PRKACB: variants seen among roughly 807,000 people sequenced by gnomAD.
The protein encoded by PRKACB is cAMP-dependent protein kinase catalytic subunit beta.
In PRKACB, 16 loss-of-function variants were observed where a neutral mutation model predicts 51.4. The ratio of observed to expected loss-of-function variants is 0.31; its 90% CI spans 0.21 to 0.47. The LOEUF is 0.47. Among genes scored for constraint, PRKACB ranks in the 20% least tolerant of loss-of-function variants. The pLI is 1.00. For synonymous variants in PRKACB, 147 were observed against 154.4 expected, an observed-to-expected ratio of 0.95 and a Z score of 0.35; for missense variants, 309 against 464.5, an observed-to-expected ratio of 0.67 and a Z score of 3.08.
rs1676748598 is a variant in PRKACB at position 84,237,358 on chromosome 1, A to C, written c.*2053A>C. 1 of 152,618 alleles carries C rather than the reference A, an allele frequency of 6.6e-6. No homozygotes were observed. The highest frequency in any genetic ancestry group is 2.1e-4 in the South Asian group (1 of 4,832). The allele number at this position is 152,618 out of a possible 1,614,324, so 9.5% of individuals were successfully genotyped here. A position where few individuals can be genotyped will look rare whatever the true frequency, so the allele number is the denominator to read the frequency against. ...ATATTATTGTAAAATTATTTTAATA[A>C]GTCATGGGGATGACAATTTGATTAT... is the stretch of plus-strand genomic sequence containing the variant. On this transcript the variant is annotated 3_prime_UTR_variant, in exon 10 of 10. Transcript: ENST00000370685.
chr1:84,230,527 T>G (rs534448845), intron 9 of PRKACB, among the ~76,000 whole-genome samples: 4 of 152,320 alleles, frequency 2.6e-5, no homozygotes, highest in African/African-American at 9.6e-5. Context: ...TTGGGCAGTA[T>G]GGCCATTTTC....
chr1:84,180,837 T>C (rs964557804), intron 2 of PRKACB, among the ~76,000 whole-genome samples: 2 of 151,906 alleles, frequency 1.3e-5, no homozygotes, highest in African/African-American at 2.4e-5. Flanking sequence ...ATTTTTATAA[T>C]ACAAAGAAAA....
At chr1:84,164,603 C>T (rs1656798036) in intron 1 of PRKACB, 7 of 1,361,480 alleles carry the variant, frequency 5.1e-6, no homozygotes, top group African/African-American at 1.5e-5. Flanking sequence ...ACAAGTGAAC[C>T]GATAATTCTG....
intron 1 of PRKACB, among the ~76,000 whole-genome samples, chr1:84,166,727 A>G (rs1287451276): frequency 6.6e-6 from 1 of 151,716 alleles, no homozygotes; most frequent in African/African-American, 2.4e-5. Context: ...TAAGTCTGTA[A>G]CTACACATGT....
In PRKACB at chr1:84,123,034, A is replaced by G. The variant is rs567225520; in HGVS notation, c.46+44663A>G. 7.9e-5 allele frequency among the ~76,000 whole-genome samples: 12 copies of G among 152,334 alleles called. No individual in the cohort carries two copies. In the South Asian group the frequency reaches 2.3e-3, roughly 29 times the overall value. ...CTTATAATATTGTGAGGTAAGTGTC[A>G]TCTAACCGTTCTGCCATGGTTGGCA... On this transcript the variant is annotated intron_variant, in intron 1 of 8. Transcript: ENST00000370688.
chr1:84,171,147 C>G (rs1659342429), intron 1 of PRKACB, among the ~76,000 whole-genome samples: 1 of 151,484 alleles, frequency 6.6e-6, no homozygotes, highest in Non-Finnish European at 1.5e-5. Context: ...TAAGGTGTAA[C>G]TATGTATCAG....
At chr1:84,224,429 A>C (rs1250014861) in intron 9 of PRKACB, among the ~76,000 whole-genome samples, 1 of 152,222 alleles carries the variant, frequency 6.6e-6, no homozygotes, top group East Asian at 1.9e-4. Context: ...GCTCCCAGGC[A>C]GTACACACTG....
At position 84,096,932 on chromosome 1, in the gene PRKACB, A is replaced by G. The variant is rs28699348; in HGVS notation, c.46+18561A>G. On this transcript the variant is annotated intron_variant, in intron 1 of 8. Transcript: ENST00000370688. ...CATGCTTCCCTCAGATGTAACCACT[A>G]TTCTTATTTCTGTCACCATATATTA... 3.8e-3 allele frequency among the ~76,000 whole-genome samples: 573 copies of G among 152,118 alleles called. 3 individuals carry two copies. The highest frequency in any genetic ancestry group is 0.013 in the African/African-American group (539 of 41,550).
intron 1 of PRKACB, among the ~76,000 whole-genome samples, chr1:84,168,654 T>C (rs1218421515): frequency 1.3e-5 from 2 of 151,624 alleles, no homozygotes; most frequent in Non-Finnish European, 3.0e-5. Context: ...TACAGGATTT[T>C]GATGATCAGA....
At chr1:84,180,206 A>ATGTATG (rs1553173785) in intron 2 of PRKACB, among the ~76,000 whole-genome samples, 1 of 127,148 alleles carries the variant, frequency 7.9e-6, no homozygotes, top group African/African-American at 2.8e-5. Flanking sequence ...ATATATATAT[A>ATGTATG]TATGTATGAT....
chr1:84,108,860 G>T (rs1249485405), intron 1 of PRKACB, among the ~76,000 whole-genome samples: 1 of 151,964 alleles, frequency 6.6e-6, no homozygotes, highest in East Asian at 1.9e-4. Flanking sequence ...TTGTCGTACA[G>T]TCAGTATGTT....
chr1:84,194,032 A>G (rs1667526144), intron 5 of PRKACB, among the ~76,000 whole-genome samples: 1 of 152,124 alleles, frequency 6.6e-6, no homozygotes, highest in Non-Finnish European at 1.5e-5. Flanking sequence ...GGCAACTAAT[A>G]TAATTAATAT....
intron 2 of PRKACB, among the ~76,000 whole-genome samples, chr1:84,181,487 A>G (rs1482241330): frequency 1.3e-5 from 2 of 152,068 alleles, no homozygotes; most frequent in Non-Finnish European, 2.9e-5. Context: ...AGCCAAACAA[A>G]GATGTTTCCT....
chr1:84,202,880 G>A, intron 8 of PRKACB, 75 bp downstream of exon 8: 1 of 1,263,978 alleles, frequency 7.9e-7, no homozygotes, highest in Non-Finnish European at 1.1e-6. Context: ...AAACTATATT[G>A]TGTCATAATT....
chr1:84,100,239 T>A (rs980993521), intron 1 of PRKACB, among the ~76,000 whole-genome samples: 6 of 152,102 alleles, frequency 3.9e-5, no homozygotes, highest in African/African-American at 1.4e-4. Flanking sequence ...GTCACTGTTA[T>A]GAGAACAGCA....
chr1:84,184,103 C>T lies in PRKACB; in HGVS notation c.445C>T (p.Pro149Ser). ...AAGAATATTACAGGCAGTGAATTTTCCTTTCCTTGTTCGACTGGAGTATGC... is the reference window on the plus strand; with the variant it reads ...AAGAATATTACAGGCAGTGAATTTTTCTTTCCTTGTTCGACTGGAGTATGC... ...EKRILQAVNFPFLVRLEYAFK... is the reference protein window; with the variant it reads ...EKRILQAVNFSFLVRLEYAFK... Residue 149 changes from proline (P) to serine (S), a missense_variant, in exon 4 of 10, where the codon CCT (proline) becomes TCT (serine). By Grantham distance (74) the Pro-to-Ser change is moderately conservative. Coordinates refer to ENST00000370685, the MANE Select transcript of PRKACB (RefSeq NM_182948.4). 1.2e-6 allele frequency: 2 copies of T among 1,604,182 alleles called. No individual in the cohort carries two copies. The highest frequency in any genetic ancestry group is 1.7e-6 in the Non-Finnish European group (2 of 1,174,974).
chr1:84,194,676 A>G (rs995197407), intron 5 of PRKACB, among the ~76,000 whole-genome samples: 5 of 152,212 alleles, frequency 3.3e-5, no homozygotes, highest in African/African-American at 9.6e-5. Context: ...CTGTAATCCC[A>G]GGACTTTTGG....
chr1:84,201,511 C>T (rs1670088635), intron 7 of PRKACB, among the ~76,000 whole-genome samples: 1 of 151,836 alleles, frequency 6.6e-6, no homozygotes, highest in Non-Finnish European at 1.5e-5. Flanking sequence ...AGAGTTAATG[C>T]CTATTTCTAT....
At chr1:84,197,516 C>CAA (rs1668546965) in intron 6 of PRKACB, among the ~76,000 whole-genome samples, 1 of 151,350 alleles carries the variant, frequency 6.6e-6, no homozygotes, top group Non-Finnish European at 1.5e-5. Flanking sequence ...TTAATTTGTT[C>CAA]CTTTTCTTTG....
Sources: gnomAD v4.1 joint callset for allele counts (sites outside exome capture counted in the v4.1 genomes callset) on GRCh38, gnomAD v4.1.1 for gene constraint, MANE v1.5 for transcripts, NCBI Gene and HGNC (gene_info 2026-07-23, HGNC 2026-07-21) for gene names.